ZNF710: variants seen among roughly 807,000 people sequenced by gnomAD.
The protein encoded by ZNF710 is zinc finger protein 710.
Under a neutral mutation model 50.6 loss-of-function variants are expected in ZNF710, and 13 were observed. That is an observed-to-expected ratio of 0.26 (90% CI 0.17 to 0.41). ZNF710 has a LOEUF of 0.41. Among genes scored for constraint, ZNF710 ranks in the 10% least tolerant of loss-of-function variants. The pLI, the probability that ZNF710 is intolerant of heterozygous loss-of-function variation, is 1.00. For missense variants in ZNF710, 721 were observed against 936.6 expected (o/e 0.77, Z 3.01); for synonymous variants, 383 against 397.0 (o/e 0.96, Z 0.42).
intron 1 of ZNF710, among the ~76,000 whole-genome samples, chr15:90,023,841 A>G (rs1469503334): frequency 1.3e-5 from 2 of 152,164 alleles, no homozygotes; most frequent in Middle Eastern, 3.2e-3. Context: ...TACCAAAAAT[A>G]CAAAAAAATT....
At chr15:90,045,495 G>T (rs1187467173) in intron 1 of ZNF710, 1 of 790,708 alleles carries the variant, frequency 1.3e-6, no homozygotes, top group Non-Finnish European at 1.5e-6. Flanking sequence ...TTTCTCTGAG[G>T]GAGTCCACTC....
chr15:90,074,047 G>T, intron 3 of ZNF710, 69 bp from the exon 4 acceptor site: 1 of 1,522,262 alleles, frequency 6.6e-7, no homozygotes. Context: ...CCATAGAGGT[G>T]GGAGTGGGCT....
At chr15:90,003,724 A>G (rs924094485) in intron 1 of ZNF710, among the ~76,000 whole-genome samples, 7 of 152,086 alleles carry the variant, frequency 4.6e-5, no homozygotes, top group African/African-American at 1.7e-4. Context: ...GTTATTTTCT[A>G]TACTTTCTCA....
chr15:90,074,200 T>G lies in ZNF710; in HGVS notation c.1735T>G (p.Tyr579Asp). The part of the protein sequence containing the change: ...HAGSKPFKCP[Y>D]CSSKFNLKGN... ...CGGCAGCAAGCCCTTCAAGTGCCCC[T>G]ACTGCTCCAGCAAGTTTAATCTCAA... The change falls in exon 4 of 5, where the codon TAC becomes GAC. Residue 579 changes from tyrosine (Y) to aspartate (D), a missense_variant. Transcript: ENST00000268154. 6.2e-7 allele frequency: 1 copy of G among 1,613,410 alleles called. No homozygotes were observed. Among genetic ancestry groups the G allele is most frequent in the Non-Finnish European group, 8.5e-7 (1 of 1,179,800 alleles).
chr15:90,008,429 T>TATATATACATATATATATAC (rs1898198419), intron 1 of ZNF710, among the ~76,000 whole-genome samples: 1 of 138,556 alleles, frequency 7.2e-6, no homozygotes, highest in African/African-American at 3.1e-5. Context: ...TGTGTGTGTA[T>TATATATACATATATATATAC]ATATATATAT....
intron 1 of ZNF710, among the ~76,000 whole-genome samples, chr15:90,012,687 G>A (rs991916651): frequency 6.6e-6 from 1 of 151,850 alleles, no homozygotes; most frequent in Non-Finnish European, 1.5e-5. Flanking sequence ...TCTCTCTTTA[G>A]TTATCTCTAA....
At chr15:90,055,912 C>G (rs191721985) in intron 1 of ZNF710, among the ~76,000 whole-genome samples, 7 of 152,012 alleles carry the variant, frequency 4.6e-5, no homozygotes, top group African/African-American at 1.7e-4. Context: ...GTCAGGAGTT[C>G]AAGACCAGCC....
At chr15:90,049,848 C>A (rs1899583565) in intron 1 of ZNF710, among the ~76,000 whole-genome samples, 1 of 152,230 alleles carries the variant, frequency 6.6e-6, no homozygotes, top group African/African-American at 2.4e-5. Context: ...CATGTGGCTC[C>A]CGCCTTCTCT....
intron 1 of ZNF710, among the ~76,000 whole-genome samples, chr15:90,045,658 C>A (rs1029946348): frequency 1.3e-5 from 2 of 152,118 alleles, no homozygotes; most frequent in Non-Finnish European, 2.9e-5. Flanking sequence ...AGGGCTGCCA[C>A]CTTCCAGAGG....
chr15:89,999,731 G>C (rs1435932204), upstream of ZNF710, among the ~76,000 whole-genome samples: 3 of 152,062 alleles, frequency 2.0e-5, no homozygotes, highest in Non-Finnish European at 4.4e-5. Flanking sequence ...GCTGGGGGGA[G>C]GGGTGAGGAG....
chr15:90,011,515 T>C (rs1898304846), intron 1 of ZNF710, among the ~76,000 whole-genome samples: 1 of 152,210 alleles, frequency 6.6e-6, no homozygotes, highest in Admixed American at 6.5e-5. Flanking sequence ...CTCCCCACAT[T>C]CCATTGTCAT....
chr15:90,035,078 C>T (rs1899078880), intron 1 of ZNF710, among the ~76,000 whole-genome samples: 1 of 152,206 alleles, frequency 6.6e-6, no homozygotes, highest in Admixed American at 6.5e-5. Context: ...AAGGACCAGG[C>T]AGAGAAGGGG....
Position 90,006,202 on chromosome 15 carries a change from G to A in ZNF710, c.-29+4588G>A, listed in dbSNP as rs374112416. On this transcript the variant is annotated intron_variant, in intron 1 of 4. Transcript: ENST00000268154. Reference sequence around the variant, plus strand: ...GTTCCTCAAGCAGAGTGGCTGTTGTGAGATTAGGGCTATTTTGCACTTGAT... The same window carrying A: ...GTTCCTCAAGCAGAGTGGCTGTTGTAAGATTAGGGCTATTTTGCACTTGAT... 2.6e-5 allele frequency among the ~76,000 whole-genome samples: 4 copies of A among 152,248 alleles called. No homozygotes were observed. In the East Asian group the frequency reaches 7.7e-4, roughly 29 times the overall value.
At chr15:90,052,969 T>C (rs1289907182) in intron 1 of ZNF710, among the ~76,000 whole-genome samples, 1 of 151,996 alleles carries the variant, frequency 6.6e-6, no homozygotes, top group Non-Finnish European at 1.5e-5. Flanking sequence ...TAAAATAAAA[T>C]GTCTATCTCC....
At chr15:90,017,912 A>G (rs921975093) in intron 1 of ZNF710, among the ~76,000 whole-genome samples, 11 of 152,226 alleles carry the variant, frequency 7.2e-5, no homozygotes, top group Admixed American at 5.2e-4. Context: ...TGGTGCTTGA[A>G]TAATTAAGGC....
intron 1 of ZNF710, among the ~76,000 whole-genome samples, chr15:90,064,205 T>C (rs1242286598): frequency 6.6e-6 from 1 of 152,258 alleles, no homozygotes; most frequent in African/African-American, 2.4e-5. Flanking sequence ...CAGCGTGCTC[T>C]GCAAAACTGA....
intron 1 of ZNF710, among the ~76,000 whole-genome samples, chr15:90,023,180 G>C (rs958184169): frequency 2.6e-5 from 4 of 152,102 alleles, no homozygotes; most frequent in African/African-American, 9.7e-5. Flanking sequence ...ACCCAGATGC[G>C]ATGAGTCCAA....
At chr15:90,020,177 T>G (rs889005710) in intron 1 of ZNF710, among the ~76,000 whole-genome samples, 3 of 152,244 alleles carry the variant, frequency 2.0e-5, no homozygotes, top group Non-Finnish European at 2.9e-5. Context: ...TGACCGGCTC[T>G]TCCTCCTTTT....
At chr15:90,074,477 C>T in intron 4 of ZNF710, 187 bp downstream of exon 4, 1 of 1,528,154 alleles carries the variant, frequency 6.5e-7, no homozygotes, top group Non-Finnish European at 8.8e-7. Context: ...TTTATGTCTT[C>T]TTCAAAGGAC....
Sources: gnomAD v4.1 joint callset for allele counts (sites outside exome capture counted in the v4.1 genomes callset) on GRCh38, gnomAD v4.1.1 for gene constraint, MANE v1.5 for transcripts, NCBI Gene and HGNC (gene_info 2026-07-23, HGNC 2026-07-21) for gene names.